The following PHACTR1 variants were observed in gnomAD, a reference collection of about 807,000 sequenced individuals.
The protein encoded by PHACTR1 is phosphatase and actin regulator 1.
A neutral mutation model predicts 69.2 loss-of-function variants in PHACTR1; 16 were observed. That is an observed-to-expected ratio of 0.23 (90% confidence interval 0.16 to 0.35). PHACTR1 has a LOEUF of 0.35. Among genes scored for constraint, PHACTR1 ranks in the 10% least tolerant of loss-of-function variants. The pLI, the probability that PHACTR1 is intolerant of heterozygous loss-of-function variation, is 1.00. For synonymous variants in PHACTR1, 312 were observed against 284.5 expected (o/e 1.10, Z -0.97); for missense variants, 510 against 734.7 (o/e 0.69, Z 3.54).
At chr6:13,109,363 A>G (rs1222269709) in intron 5 of PHACTR1, among the ~76,000 whole-genome samples, 1 of 152,096 alleles carries the variant, frequency 6.6e-6, no homozygotes, top group East Asian at 1.9e-4. Context: ...TGTTTATCTG[A>G]AAAGTTCTTG....
chr6:12,823,175 G>A (rs954360840), intron 4 of PHACTR1, among the ~76,000 whole-genome samples: 7 of 152,272 alleles, frequency 4.6e-5, no homozygotes, highest in South Asian at 4.1e-4. Context: ...TACATTCTAC[G>A]TGCTTAGATT....
At chr6:13,215,590 A>G (rs889969121) in intron 8 of PHACTR1, among the ~76,000 whole-genome samples, 1 of 152,222 alleles carries the variant, frequency 6.6e-6, no homozygotes. Flanking sequence ...GTAATCAGAT[A>G]TAAGGAAGAA....
chr6:12,925,803 G>A (rs1018414380), intron 4 of PHACTR1, among the ~76,000 whole-genome samples: 1 of 152,086 alleles, frequency 6.6e-6, no homozygotes, highest in Non-Finnish European at 1.5e-5. Context: ...CCATTTCTCT[G>A]CTCCCCCAAA....
At chr6:12,925,887 T>A (rs1307036109) in intron 4 of PHACTR1, among the ~76,000 whole-genome samples, 1 of 152,178 alleles carries the variant, frequency 6.6e-6, no homozygotes, top group East Asian at 1.9e-4. Flanking sequence ...CTCTCGTGTA[T>A]CTTCAAACTC....
rs1426935024 is a variant in PHACTR1, at chr6:13,253,048, A to T, written c.1392-19812A>T. ...TTTGGGAGACAGCTGGAAGGAAAAT[A>T]GCTGTGGCCCCACTGAATGAGGAGG... is the stretch of plus-strand genomic sequence containing the variant. On this transcript the variant is annotated intron_variant, in intron 10 of 14. Transcript: ENST00000332995. 9 of 455,002 alleles carry T rather than the reference A, an allele frequency of 2.0e-5. No individual in the cohort carries two copies. Among genetic ancestry groups the T allele is most frequent in the African/African-American group, 4.0e-5 (2 of 50,068 alleles). The allele number at this position is 455,002 out of a possible 1,614,324, so 28.2% of individuals were successfully genotyped here.
rs539973410 is a variant in PHACTR1 at position 12,739,895 on chromosome 6, G to A, written c.104-9749G>A. The stretch of plus-strand genomic sequence containing the variant: ...AGAGCAACATGCACAAATATAAAAC[G>A]TGTGACTTGAACTTTTACAAAAGTT... On this transcript the variant is annotated intron_variant, in intron 3 of 14. Coordinates refer to ENST00000332995, the MANE Select transcript of PHACTR1 (RefSeq NM_030948.6). 8.5e-5 allele frequency among the ~76,000 whole-genome samples: 13 copies of A among 152,058 alleles called. No individual in the cohort carries two copies. In the East Asian group the frequency reaches 1.5e-3, roughly 18 times the overall value.
At chr6:13,199,596 G>A (rs1246379566) in intron 7 of PHACTR1, among the ~76,000 whole-genome samples, 2 of 152,062 alleles carry the variant, frequency 1.3e-5, no homozygotes, top group South Asian at 4.1e-4. Context: ...CAGCAAGAAG[G>A]CAGAAGAACC....
At chr6:13,118,307 C>T (rs1387843433) in intron 5 of PHACTR1, among the ~76,000 whole-genome samples, 2 of 152,018 alleles carry the variant, frequency 1.3e-5, no homozygotes, top group Non-Finnish European at 2.9e-5. Context: ...CCTGGGATCC[C>T]TTCACATCCT....
chr6:13,247,635 C>T (rs769588570), intron 10 of PHACTR1, among the ~76,000 whole-genome samples: 14 of 152,140 alleles, frequency 9.2e-5, no homozygotes, highest in African/African-American at 2.9e-4. Flanking sequence ...TGTGAGCCAC[C>T]GTGCCCAGCC....
At chr6:12,734,397 A>C (rs1033132711) in intron 3 of PHACTR1, among the ~76,000 whole-genome samples, 1 of 152,150 alleles carries the variant, frequency 6.6e-6, no homozygotes, top group Admixed American at 6.5e-5. Flanking sequence ...TTTGCCAAAT[A>C]CTGCTTGAAT....
intron 4 of PHACTR1, among the ~76,000 whole-genome samples, chr6:12,948,837 A>G (rs1790956036): frequency 6.6e-6 from 1 of 152,330 alleles, no homozygotes; most frequent in Admixed American, 6.5e-5. Context: ...TTAGTGATAT[A>G]TTAAATTTTA....
intron 4 of PHACTR1, among the ~76,000 whole-genome samples, chr6:13,038,606 C>T (rs1454815934): frequency 6.6e-6 from 1 of 152,000 alleles, no homozygotes; most frequent in Non-Finnish European, 1.5e-5. Flanking sequence ...CATGTTAGCA[C>T]TTGATGTTCT....
intron 4 of PHACTR1, among the ~76,000 whole-genome samples, chr6:13,052,987 C>T (rs1483954931): frequency 4.6e-5 from 7 of 152,138 alleles, no homozygotes; most frequent in Admixed American, 1.3e-4. Flanking sequence ...GTAGTGATTG[C>T]GTCTGCCAAG....
chr6:13,231,085 AAGAAG>A (rs1770917766), intron 10 of PHACTR1, among the ~76,000 whole-genome samples: 1 of 10,594 alleles, frequency 9.4e-5, no homozygotes, highest in Non-Finnish European at 1.4e-4. Context: ...GGAAGGAAGG[AAGAAG>A]GAAGGAAGGG....
chr6:13,242,684 GC>G (rs1341007802), intron 10 of PHACTR1, among the ~76,000 whole-genome samples: 1 of 152,134 alleles, frequency 6.6e-6, no homozygotes, highest in Non-Finnish European at 1.5e-5. Context: ...AATCAACATT[GC>G]TTTTGCTTTA....
intron 4 of PHACTR1, among the ~76,000 whole-genome samples, chr6:12,818,769 C>G (rs2127707904): frequency 6.6e-6 from 1 of 152,338 alleles, no homozygotes; most frequent in African/African-American, 2.4e-5. Flanking sequence ...TTCTTGGCCT[C>G]TCACCCATAC....
At chr6:13,085,789 A>G (rs1030495633) in intron 5 of PHACTR1, among the ~76,000 whole-genome samples, 1 of 152,082 alleles carries the variant, frequency 6.6e-6, no homozygotes, top group African/African-American at 2.4e-5. Flanking sequence ...TATGGATTAA[A>G]GAATAAATTA....
intron 4 of PHACTR1, among the ~76,000 whole-genome samples, chr6:12,773,350 C>T (rs1170115245): frequency 1.3e-5 from 2 of 152,152 alleles, no homozygotes; most frequent in Non-Finnish European, 2.9e-5. Context: ...CCTGCGTCAA[C>T]TCAATATTTT....
chr6:12,998,501 C>G (rs1228631296), intron 4 of PHACTR1, among the ~76,000 whole-genome samples: 2 of 151,246 alleles, frequency 1.3e-5, no homozygotes, highest in Admixed American at 1.3e-4. Flanking sequence ...CTCTGGTCCC[C>G]ACTTACTCAA....
Sources: allele counts gnomAD v4.1 joint callset (sites outside exome capture counted in the v4.1 genomes callset), GRCh38; gene constraint gnomAD v4.1.1; transcripts MANE v1.5; gene names NCBI Gene and HGNC (gene_info 2026-07-23, HGNC 2026-07-21).